SMAD9: variants seen among roughly 807,000 people sequenced by gnomAD.
The protein encoded by SMAD9 is SMAD family member 9.
SMAD9 carries 36 observed loss-of-function variants against 46.1 expected under a neutral mutation model. The ratio of observed to expected loss-of-function variants is 0.78; its 90% CI spans 0.60 to 1.03. The LOEUF (loss-of-function observed/expected upper bound fraction) is 1.03, where lower values mean the gene tolerates loss of function less well. SMAD9 is among the 50% of genes least tolerant of loss of function. The pLI, the probability that SMAD9 is intolerant of heterozygous loss-of-function variation, is 0.00. For synonymous variants in SMAD9, 245 were observed against 237.1 expected (o/e 1.03, Z -0.31); for missense variants, 572 against 599.8 (o/e 0.95, Z 0.48).
chr13:36,890,132 A>C (rs1566032132), intron 1 of SMAD9, among the ~76,000 whole-genome samples: 1 of 152,150 alleles, frequency 6.6e-6, no homozygotes, highest in Non-Finnish European at 1.5e-5. Flanking sequence ...AGGCATATCT[A>C]ATTTTTTTTC....
chr13:36,916,768 G>A (rs1427774509), intron 1 of SMAD9, among the ~76,000 whole-genome samples: 2 of 151,642 alleles, frequency 1.3e-5, no homozygotes, highest in African/African-American at 4.9e-5. Flanking sequence ...GGAGCTCGAA[G>A]GAGGACATAC....
intron 6 of SMAD9, chr13:36,852,114 C>T (rs1337828110): frequency 1.0e-6 from 1 of 974,852 alleles, no homozygotes; most frequent in African/African-American, 1.8e-5. Flanking sequence ...ACTGCTTTGT[C>T]ACCATGAAAG....
chr13:36,890,379 GC>G (rs1403735077), intron 1 of SMAD9, among the ~76,000 whole-genome samples: 4 of 152,200 alleles, frequency 2.6e-5, no homozygotes, highest in South Asian at 4.1e-4. Flanking sequence ...ATAACTCTTT[GC>G]CCATCAAAAC....
At chr13:36,878,795 A>C (rs1412460383) in intron 2 of SMAD9, among the ~76,000 whole-genome samples, 2 of 151,562 alleles carry the variant, frequency 1.3e-5, no homozygotes, top group African/African-American at 4.9e-5. Context: ...CCATTTTAAA[A>C]CCTTTCAGGA....
At chr13:36,893,342 GT>G (rs567492460) in intron 1 of SMAD9, among the ~76,000 whole-genome samples, 4 of 150,430 alleles carry the variant, frequency 2.7e-5, no homozygotes, top group Admixed American at 6.6e-5. Flanking sequence ...CTGGATCATA[GT>G]TTTTTTAAAA....
chr13:36,889,043 G>C (rs954820899), intron 1 of SMAD9, among the ~76,000 whole-genome samples: 1 of 152,106 alleles, frequency 6.6e-6, no homozygotes. Context: ...ATTGAGAAGA[G>C]GACTGCAGAA....
chr13:36,907,665 C>A (rs959459697), intron 1 of SMAD9, among the ~76,000 whole-genome samples: 4 of 151,950 alleles, frequency 2.6e-5, no homozygotes, highest in Admixed American at 2.6e-4. Flanking sequence ...ACAGCAAGAC[C>A]CTGACTCTAA....
intron 1 of SMAD9, among the ~76,000 whole-genome samples, chr13:36,906,046 G>C (rs962062914): frequency 2.6e-4 from 40 of 151,982 alleles, no homozygotes; most frequent in African/African-American, 9.2e-4. Context: ...AGAACACCAA[G>C]GGAAAAATAA....
intron 1 of SMAD9, among the ~76,000 whole-genome samples, chr13:36,918,452 G>A (rs937370479): frequency 7.9e-5 from 12 of 152,216 alleles, no homozygotes; most frequent in Admixed American, 2.6e-4. Flanking sequence ...TTAAGAGGCC[G>A]AAGGCTGTCT....
intron 1 of SMAD9, among the ~76,000 whole-genome samples, chr13:36,917,418 G>A (rs1287089640): frequency 6.8e-6 from 1 of 147,418 alleles, no homozygotes; most frequent in South Asian, 2.1e-4. Flanking sequence ...TTTTGCTTTA[G>A]AATAACTTTT....
chr13:36,877,522 T>C (rs915443668), intron 2 of SMAD9, among the ~76,000 whole-genome samples: 5 of 152,214 alleles, frequency 3.3e-5, no homozygotes, highest in African/African-American at 1.2e-4. Flanking sequence ...ATGAACATTT[T>C]TCCATTTGGA....
intron 1 of SMAD9, among the ~76,000 whole-genome samples, chr13:36,916,501 T>C (rs1179402871): frequency 8.5e-5 from 13 of 152,126 alleles, no homozygotes; most frequent in African/African-American, 3.1e-4. Flanking sequence ...ATGGACTTTA[T>C]CCTATGGGTG....
At chr13:36,857,231 T>C (rs1241156593) in intron 5 of SMAD9, among the ~76,000 whole-genome samples, 4 of 152,218 alleles carry the variant, frequency 2.6e-5, no homozygotes, top group Non-Finnish European at 5.9e-5. Context: ...CAATCAAATA[T>C]GCCATTAATA....
intron 5 of SMAD9, among the ~76,000 whole-genome samples, chr13:36,858,787 C>T (rs903869728): frequency 1.3e-5 from 2 of 152,174 alleles, no homozygotes; most frequent in Middle Eastern, 3.2e-3. Flanking sequence ...TAGTTATTAG[C>T]TATTAACATT....
rs2058266929 is a variant in SMAD9, at chr13:36,869,368, T to C, written c.671-1985A>G. Among the ~76,000 whole-genome samples the C allele has an allele frequency of 2.0e-5, 3 of 152,030 alleles. No individual in the cohort carries two copies. The South Asian group carries it at 6.3e-4, about 32-fold the overall frequency. On this transcript the variant is annotated intron_variant, in intron 3 of 6. Coordinates refer to ENST00000379826, the MANE Select transcript of SMAD9 (RefSeq NM_001127217.3). ...CTCCGGAGTAGCTGAATTACAGACATGCACCACCACGCCCAGCTAACTTTT... is the reference window on the plus strand; with the variant it reads ...CTCCGGAGTAGCTGAATTACAGACACGCACCACCACGCCCAGCTAACTTTT...
chr13:36,853,306 ATTGG>A, intron 6 of SMAD9, 109 bp downstream of exon 6: 1 of 948,178 alleles, frequency 1.1e-6, no homozygotes, highest in Non-Finnish European at 1.7e-6. Context: ...ATAATAATAA[ATTGG>A]TTTTGTCTAT....
At chr13:36,896,950 T>G (rs549623554) in intron 1 of SMAD9, among the ~76,000 whole-genome samples, 2 of 152,310 alleles carry the variant, frequency 1.3e-5, no homozygotes, top group South Asian at 4.1e-4. Flanking sequence ...TGAACTTTAC[T>G]TGCAATACTT....
At chr13:36,911,845 A>C (rs552471664) in intron 1 of SMAD9, among the ~76,000 whole-genome samples, 68 of 152,216 alleles carry the variant, frequency 4.5e-4, no homozygotes, top group African/African-American at 1.6e-3. Flanking sequence ...AGTAGCTGGG[A>C]TTACAGGCAT....
chr13:36,882,252 TG>T (rs2058410374), intron 1 of SMAD9, among the ~76,000 whole-genome samples: 2 of 144,324 alleles, frequency 1.4e-5, no homozygotes, highest in Admixed American at 1.3e-4. Context: ...TGTGTGTGTG[TG>T]TGTGTGTATG....
Sources: allele counts gnomAD v4.1 joint callset (sites outside exome capture counted in the v4.1 genomes callset), GRCh38; gene constraint gnomAD v4.1.1; transcripts MANE v1.5; gene names NCBI Gene and HGNC (gene_info 2026-07-23, HGNC 2026-07-21).